The following GPM6A variants were observed in gnomAD, a reference collection of about 807,000 sequenced individuals.
The protein encoded by GPM6A is glycoprotein M6A, also known as neuronal membrane glycoprotein M6-a.
Under a neutral mutation model 32.1 loss-of-function variants are expected in GPM6A, and 7 were observed. The ratio of observed to expected loss-of-function variants is 0.22; its 90% confidence interval spans 0.12 to 0.41. GPM6A has a LOEUF of 0.41. Ranked by LOEUF, GPM6A falls within the 10% of genes least tolerant of loss-of-function variation. The pLI is 1.00. For synonymous variants in GPM6A, 130 were observed against 123.4 expected (o/e 1.05, Z -0.35); for missense variants, 235 against 347.2 (o/e 0.68, Z 2.57).
upstream of GPM6A, among the ~76,000 whole-genome samples, chr4:175,817,000 C>CAGG (rs1465493255): frequency 8.5e-5 from 13 of 152,234 alleles, no homozygotes; most frequent in East Asian, 2.3e-3. Flanking sequence ...GCTGGGACTA[C>CAGG]ACCCCGCCAC....
At chr4:175,738,872 T>A (rs1731768009) in intron 1 of GPM6A, among the ~76,000 whole-genome samples, 1 of 152,172 alleles carries the variant, frequency 6.6e-6, no homozygotes, top group African/African-American at 2.4e-5. Context: ...TGCTATTTGC[T>A]TGAGATATAC....
chr4:175,766,904 C>G (rs1732993384), intron 1 of GPM6A, among the ~76,000 whole-genome samples: 1 of 152,024 alleles, frequency 6.6e-6, no homozygotes, highest in African/African-American at 2.4e-5. Context: ...ATCTGCCTGC[C>G]TCGGCCTCCT....
intron 1 of GPM6A, among the ~76,000 whole-genome samples, chr4:175,923,991 A>T (rs1738752852): frequency 6.6e-6 from 1 of 152,226 alleles, no homozygotes; most frequent in South Asian, 2.1e-4. Flanking sequence ...TGCCTAGAAT[A>T]GTCCTATTCG....
chr4:175,878,317 G>A (rs147762365), intron 1 of GPM6A, among the ~76,000 whole-genome samples: 1 of 152,148 alleles, frequency 6.6e-6, no homozygotes, highest in East Asian at 1.9e-4. Flanking sequence ...TCGGGGCTCT[G>A]ATCCCACATT....
At chr4:175,852,111 C>A (rs1250347113) in intron 1 of GPM6A, among the ~76,000 whole-genome samples, 1 of 152,020 alleles carries the variant, frequency 6.6e-6, no homozygotes, top group Non-Finnish European at 1.5e-5. Context: ...GGCCATCTTA[C>A]TAGCTGTGAA....
At chr4:175,719,871 A>G (rs930849532) in intron 1 of GPM6A, among the ~76,000 whole-genome samples, 1 of 152,148 alleles carries the variant, frequency 6.6e-6, no homozygotes, top group African/African-American at 2.4e-5. Context: ...TAAAGCAGCT[A>G]CTGGCATATG....
At position 175,984,943 on chromosome 4, in the gene GPM6A, T is replaced by C. The variant is rs145696305; in HGVS notation, c.-23+17366A>G. On this transcript the variant is annotated intron_variant, in intron 1 of 7. Transcript: ENST00000280187. ...AAAGCTGAACTATTTTTGACCTATA[T>C]TGGGTTATAGTCATCTATGTATTTA... is the stretch of plus-strand genomic sequence containing the variant. Among the ~76,000 whole-genome samples the C allele has an allele frequency of 6.5e-3, 994 of 152,316 alleles. 9 individuals carry two copies. The highest frequency in any genetic ancestry group is 0.023 in the African/African-American group (939 of 41,580).
At chr4:175,802,639 A>G (rs1734516151) in intron 1 of GPM6A, among the ~76,000 whole-genome samples, 2 of 152,110 alleles carry the variant, frequency 1.3e-5, no homozygotes, top group Admixed American at 1.3e-4. Flanking sequence ...ATGATTTCAA[A>G]CTGTTATTTC....
At chr4:175,938,036 T>C (rs1739293576) in intron 1 of GPM6A, among the ~76,000 whole-genome samples, 1 of 152,142 alleles carries the variant, frequency 6.6e-6, no homozygotes, top group South Asian at 2.1e-4. Context: ...AGTTTGAGTG[T>C]TAACTTTCTA....
intron 1 of GPM6A, among the ~76,000 whole-genome samples, chr4:175,799,671 C>CTTTTTTTTCTT (rs1734385917): frequency 1.6e-5 from 2 of 122,098 alleles, no homozygotes; most frequent in African/African-American, 2.9e-5. Context: ...CAAGTGTTTT[C>CTTTTTTTTCTT]TTTTTTTTTT....
chr4:175,826,254 C>T (rs1735433867), intron 1 of GPM6A, among the ~76,000 whole-genome samples: 1 of 151,942 alleles, frequency 6.6e-6, no homozygotes, highest in Admixed American at 6.6e-5. Context: ...AAGACCTTAA[C>T]ATATTACCTA....
rs1421174375 is a variant in GPM6A at position 175,994,653 on chromosome 4, G to T, written c.-23+7656C>A. The stretch of plus-strand genomic sequence containing the variant: ...GGAGGGCCTTGCCTCCCTGTTGACG[G>T]CTGCTGACTGATCAGGGTGGTGGTT... On this transcript the variant is annotated intron_variant, in intron 1 of 7. Coordinates refer to the GPM6A transcript ENST00000280187. 3.9e-5 allele frequency among the ~76,000 whole-genome samples: 6 copies of T among 152,158 alleles called. No homozygotes were observed. The East Asian group carries it at 7.7e-4, about 20-fold the overall frequency.
intron 1 of GPM6A, among the ~76,000 whole-genome samples, chr4:175,978,487 A>T (rs1561020496): frequency 6.6e-6 from 1 of 152,210 alleles, no homozygotes. Context: ...ACCCAAAAAA[A>T]GATCAGTCCC....
chr4:175,794,531 G>C (rs1452493201), intron 1 of GPM6A, among the ~76,000 whole-genome samples: 3 of 152,140 alleles, frequency 2.0e-5, no homozygotes, highest in Non-Finnish European at 4.4e-5. Context: ...TTGAATTCAA[G>C]ATTAATATTG....
chr4:175,694,181 A>G (rs1744446061), intron 2 of GPM6A, among the ~76,000 whole-genome samples: 1 of 152,170 alleles, frequency 6.6e-6, no homozygotes, highest in South Asian at 2.1e-4. Flanking sequence ...TCTTTATAGC[A>G]GTGTGAGAAT....
chr4:175,851,712 A>G (rs1397370392), intron 1 of GPM6A, among the ~76,000 whole-genome samples: 1 of 152,214 alleles, frequency 6.6e-6, no homozygotes, highest in Non-Finnish European at 1.5e-5. Context: ...GTGGCACAAT[A>G]TGCAAATCAG....
At chr4:175,675,074 G>A (rs1743291256) in intron 2 of GPM6A, among the ~76,000 whole-genome samples, 1 of 151,876 alleles carries the variant, frequency 6.6e-6, no homozygotes, top group Non-Finnish European at 1.5e-5. Context: ...ATAACATTAA[G>A]AACAATTAGT....
chr4:175,727,946 G>T (rs757288587), intron 1 of GPM6A, among the ~76,000 whole-genome samples: 13 of 149,712 alleles, frequency 8.7e-5, no homozygotes, highest in African/African-American at 3.0e-4. Context: ...CAGTGTTACC[G>T]TGAGCCAAGA....
chr4:175,953,901 AAAAAT>A (rs967692134), intron 1 of GPM6A, among the ~76,000 whole-genome samples: 15 of 152,210 alleles, frequency 9.9e-5, no homozygotes, highest in Non-Finnish European at 1.8e-4. Context: ...CTCCATATCA[AAAAAT>A]AAAATAAAAT....
Sources: allele counts gnomAD v4.1 joint callset (sites outside exome capture counted in the v4.1 genomes callset), GRCh38; gene constraint gnomAD v4.1.1; transcripts MANE v1.5; gene names NCBI Gene and HGNC (gene_info 2026-07-23, HGNC 2026-07-21).